Variants in KIF25 observed in about 807,000 individuals in gnomAD.
KIF25 encodes the protein kinesin family member 25, also known as kinesin-like protein KIF25.
In KIF25, 19 loss-of-function variants were observed where a neutral mutation model predicts 32.9. The ratio of observed to expected loss-of-function variants is 0.58; its 90% CI spans 0.40 to 0.85. The LOEUF (loss-of-function observed/expected upper bound fraction) is 0.85, where lower values mean the gene tolerates loss of function less well. Among genes scored for constraint, KIF25 ranks in the 40% least tolerant of loss-of-function variants. KIF25 has a pLI of 0.00. For missense variants in KIF25, 485 were observed against 507.0 expected, an observed-to-expected ratio of 0.96 and a Z score of 0.42; for synonymous variants, 225 against 213.7, an observed-to-expected ratio of 1.05 and a Z score of -0.46.
intron 4 of KIF25, among the ~76,000 whole-genome samples, chr6:168,008,931 C>G (rs190476532): frequency 6.6e-6 from 1 of 152,016 alleles, no homozygotes; most frequent in East Asian, 1.9e-4. Context: ...AATTTTGTAT[C>G]CTGCAACTTT....
chr6:168,030,116 T>A (rs1350673020), intron 6 of KIF25, among the ~76,000 whole-genome samples: 1 of 152,208 alleles, frequency 6.6e-6, no homozygotes, highest in Non-Finnish European at 1.5e-5. Flanking sequence ...TCTTTCAAAT[T>A]GTGCAGGAAA....
At chr6:168,043,407 C>G (rs73788702) in intron 12 of KIF25, among the ~76,000 whole-genome samples, 3,578 of 152,234 alleles carry the variant, frequency 0.024, 158 homozygotes, top group African/African-American at 0.082. Context: ...CCACCACAGT[C>G]GGGGGGCTCC....
At chr6:168,024,725 G>A (rs900953260) in intron 5 of KIF25, among the ~76,000 whole-genome samples, 3 of 152,056 alleles carry the variant, frequency 2.0e-5, no homozygotes, top group African/African-American at 7.2e-5. Context: ...GGAGGCCAAG[G>A]CGGGTGGATC....
chr6:168,043,911 T>A (rs531421014), intron 12 of KIF25, among the ~76,000 whole-genome samples: 1 of 152,306 alleles, frequency 6.6e-6, no homozygotes, highest in African/African-American at 2.4e-5. Flanking sequence ...GGAGGAGAAG[T>A]CCTGGGCACA....
At chr6:168,037,904 T>G (rs1799048289) in intron 8 of KIF25, among the ~76,000 whole-genome samples, 1 of 152,132 alleles carries the variant, frequency 6.6e-6, no homozygotes, top group Non-Finnish European at 1.5e-5. Context: ...TTGGTAGAGA[T>G]GGGGTTTCAC....
At chr6:168,008,951 G>T (rs1025627917) in intron 4 of KIF25, among the ~76,000 whole-genome samples, 2 of 152,056 alleles carry the variant, frequency 1.3e-5, no homozygotes, top group Admixed American at 6.5e-5. Flanking sequence ...TACCGAAGTT[G>T]TCGATCAGTT....
intron 12 of KIF25, among the ~76,000 whole-genome samples, chr6:168,042,953 A>C (rs1437563098): frequency 1.3e-5 from 2 of 152,084 alleles, no homozygotes; most frequent in Admixed American, 6.5e-5. Context: ...GTTGGGGCTC[A>C]GTTTCTCAAG....
chr6:168,035,725 T>A, intron 8 of KIF25: 1 of 456,208 alleles, frequency 2.2e-6, no homozygotes, highest in Non-Finnish European at 4.4e-6. Flanking sequence ...TCTCGGGTGC[T>A]GTGCGTCTCC....
chr6:168,015,801 G>A (rs1460284468), intron 4 of KIF25, among the ~76,000 whole-genome samples: 1 of 152,174 alleles, frequency 6.6e-6, no homozygotes, highest in African/African-American at 2.4e-5. Context: ...AAAATCGAAC[G>A]ATCTCACTGT....
At chr6:168,041,055 G>A (rs761475727) in intron 10 of KIF25, among the ~76,000 whole-genome samples, 25 of 152,176 alleles carry the variant, frequency 1.6e-4, no homozygotes, top group African/African-American at 3.4e-4. Context: ...GCAAGGATGC[G>A]GCTCCGGGGA....
intron 11 of KIF25, among the ~76,000 whole-genome samples, 157 bp from the exon 12 acceptor site, chr6:168,042,404 T>C (rs553426970): frequency 6.6e-6 from 1 of 152,316 alleles, no homozygotes; most frequent in East Asian, 1.9e-4. Flanking sequence ...CGCTTTGAGC[T>C]GTGAGCAGAG....
chr6:168,038,298 T>G (rs1799055363), intron 8 of KIF25, among the ~76,000 whole-genome samples: 1 of 152,116 alleles, frequency 6.6e-6, no homozygotes, highest in Non-Finnish European at 1.5e-5. Context: ...GAATCCTCAG[T>G]GTACTGGTTG....
chr6:168,034,244 A>G (rs1342408778), intron 8 of KIF25, among the ~76,000 whole-genome samples: 1 of 152,210 alleles, frequency 6.6e-6, no homozygotes, highest in African/African-American at 2.4e-5. Flanking sequence ...CAATTCCATC[A>G]TTAAGACTAA....
Position 168,020,458 on chromosome 6 carries a change from G to A in KIF25, c.-95+2418G>A, listed in dbSNP as rs148209661. 1.6e-4 allele frequency among the ~76,000 whole-genome samples: 24 copies of A among 151,432 alleles called. No individual in the cohort carries two copies. The East Asian group carries it at 4.3e-3, about 27-fold the overall frequency. On this transcript the variant is annotated intron_variant, in intron 5 of 12. Transcript: ENST00000643607. Reference sequence around the variant, plus strand: ...GGACATGTGGGCATATGCAAAAGACGCTTTTTCTTATTAAAAAAAAAAAAC... The same window carrying A: ...GGACATGTGGGCATATGCAAAAGACACTTTTTCTTATTAAAAAAAAAAAAC...
At chr6:168,033,681 T>C (rs185829354) in intron 7 of KIF25, among the ~76,000 whole-genome samples, 35 of 152,270 alleles carry the variant, frequency 2.3e-4, no homozygotes, top group Non-Finnish European at 4.3e-4. Flanking sequence ...TTTAATCCAA[T>C]GTCGTACAAC....
intron 5 of KIF25, among the ~76,000 whole-genome samples, chr6:168,020,139 A>G (rs559678160): frequency 1.1e-3 from 160 of 151,994 alleles, no homozygotes; most frequent in African/African-American, 3.7e-3. Flanking sequence ...CAAACAAACA[A>G]ACAAACAAAC....
intron 4 of KIF25, among the ~76,000 whole-genome samples, chr6:168,006,774 G>T (rs577505016): frequency 1.6e-4 from 19 of 115,240 alleles, no homozygotes; most frequent in Admixed American, 1.6e-3. Context: ...TACCATATGC[G>T]GTTCTACAAG....
rs537518480 is a variant in KIF25, at chr6:168,040,095, G to A, written c.525G>A (p.Glu175=). The stretch of plus-strand genomic sequence containing the variant: ...TCGGCAGCGCCTCGAAACTGATGGA[G>A]CTCGTTCATGGAGGTCTGCAGCTCA... ...EAVGSASKLM[E]LVHGGLQLRA... Residue 175 remains glutamate, a synonymous_variant, in exon 10 of 13, where the codon GAG becomes GAA. Coordinates refer to ENST00000643607, the MANE Select transcript of KIF25 (RefSeq NM_030615.4). 1.4e-4 allele frequency: 227 copies of A among 1,613,802 alleles called. 2 individuals are homozygous for A. The South Asian group carries it at 2.4e-3, about 17-fold the overall frequency.
At chr6:168,032,525 C>T (rs951249347) in intron 7 of KIF25, among the ~76,000 whole-genome samples, 1 of 152,342 alleles carries the variant, frequency 6.6e-6, no homozygotes, top group Admixed American at 6.5e-5. Flanking sequence ...GAGGCCTGAT[C>T]AGCTTGGCGG....
Sources: gnomAD v4.1 joint callset for allele counts (sites outside exome capture counted in the v4.1 genomes callset) on GRCh38, gnomAD v4.1.1 for gene constraint, MANE v1.5 for transcripts, NCBI Gene and HGNC (gene_info 2026-07-23, HGNC 2026-07-21) for gene names.